The following PLN variants were observed in gnomAD, a reference collection of about 807,000 sequenced individuals.
PLN encodes the protein phospholamban.
Under a neutral mutation model 3.9 loss-of-function variants are expected in PLN, and 1 was observed. That is an observed-to-expected ratio of 0.26 (90% CI 0.09 to 1.23). The LOEUF is 1.23. Among genes scored for constraint, PLN ranks in the 50% most tolerant of loss-of-function variants. The pLI, the probability that PLN is intolerant of heterozygous loss-of-function variation, is 0.48. For missense variants in PLN, 59 were observed against 62.7 expected (o/e 0.94, Z 0.20); for synonymous variants, 21 against 20.5 (o/e 1.02, Z -0.07).
intron 1 of PLN, among the ~76,000 whole-genome samples, chr6:118,549,567 ACT>A: frequency 6.6e-6 from 1 of 151,774 alleles, no homozygotes; most frequent in Non-Finnish European, 1.5e-5. Flanking sequence ...GAACTTTGTA[ACT>A]CTGTAAGCAG....
intron 1 of PLN, among the ~76,000 whole-genome samples, chr6:118,550,913 A>G (rs1166341816): frequency 6.6e-6 from 1 of 151,880 alleles, no homozygotes; most frequent in Non-Finnish European, 1.5e-5. Context: ...AACCAGAAAT[A>G]TACGAAAATT....
chr6:118,550,258 T>A (rs572274437), intron 1 of PLN, among the ~76,000 whole-genome samples: 278 of 151,974 alleles, frequency 1.8e-3, no homozygotes, highest in Non-Finnish European at 3.1e-3. Flanking sequence ...TATAATCATA[T>A]CTTTAATTAG....
At position 118,560,687 on chromosome 6, in the gene PLN, A is replaced by T. The variant is rs987428442; in HGVS notation, c.*1607A>T. On this transcript the variant is annotated 3_prime_UTR_variant, in exon 2 of 2. Transcript: ENST00000357525. The stretch of plus-strand genomic sequence containing the variant: ...TCCACTCTACTGAGCTAAATTATAG[A>T]TCCAGCTATGCTATTTATAATTATT... The T allele has an allele frequency of 3.0e-5, 5 of 166,690 alleles. No homozygotes were observed. The highest frequency in any genetic ancestry group is 1.2e-4 in the African/African-American group (5 of 41,460). 10.3% of individuals were successfully genotyped at this position (166,690 alleles called of 1,614,324 possible).
chr6:118,549,088 A>C (rs773963779), intron 1 of PLN, among the ~76,000 whole-genome samples: 27 of 152,030 alleles, frequency 1.8e-4, no homozygotes, highest in Non-Finnish European at 3.2e-4. Context: ...AAATTTTAAA[A>C]CAATGTTCAC....
rs1220708131 is a variant in PLN at position 118,561,360 on chromosome 6, A to C, written c.*2280A>C. ...TTTGTTACAATATTTTTCTCAGTAA[A>C]CAGAAATAACTAATTTTTTTGTTCT... On this transcript the variant is annotated 3_prime_UTR_variant, in exon 2 of 2. Coordinates refer to ENST00000357525, the MANE Select transcript of PLN (RefSeq NM_002667.5). 2.6e-5 allele frequency among the ~76,000 whole-genome samples: 4 copies of C among 152,134 alleles called. No individual in the cohort carries two copies. The highest frequency in any genetic ancestry group is 5.9e-5 in the Non-Finnish European group (4 of 67,998).
chr6:118,558,511 T>C (rs1256645398), intron 1 of PLN, among the ~76,000 whole-genome samples: 1 of 151,792 alleles, frequency 6.6e-6, no homozygotes, highest in African/African-American at 2.4e-5. Flanking sequence ...TGTAGTAAAT[T>C]TGGGAGAAAA....
intron 1 of PLN, among the ~76,000 whole-genome samples, chr6:118,548,888 T>C (rs1166115619): frequency 6.6e-6 from 1 of 152,070 alleles, no homozygotes; most frequent in Non-Finnish European, 1.5e-5. Context: ...AATATTATCA[T>C]AATTTCATAC....
intron 1 of PLN, among the ~76,000 whole-genome samples, chr6:118,548,792 A>G (rs1262115211): frequency 6.6e-6 from 1 of 152,108 alleles, no homozygotes; most frequent in African/African-American, 2.4e-5. Flanking sequence ...TCTGCTGAGA[A>G]ACAGTGCAGA....
At chr6:118,557,598 A>G (rs1164791537) in intron 1 of PLN, among the ~76,000 whole-genome samples, 1 of 152,150 alleles carries the variant, frequency 6.6e-6, no homozygotes, top group African/African-American at 2.4e-5. Flanking sequence ...ACATGAGTGT[A>G]TCCTGTGATG....
chr6:118,559,935 C>A lies in PLN; in HGVS notation c.*855C>A, dbSNP rs1051172641. 3 of 166,978 alleles carry A rather than the reference C, an allele frequency of 1.8e-5. No homozygotes were observed. The highest frequency in any genetic ancestry group is 1.9e-4 in the East Asian group (1 of 5,198). 10.3% of individuals were successfully genotyped at this position (166,978 alleles called of 1,614,324 possible). A position where few individuals can be genotyped will look rare whatever the true frequency, so the allele number is the denominator to read the frequency against. On this transcript the variant is annotated 3_prime_UTR_variant, in exon 2 of 2. Coordinates refer to ENST00000357525, the MANE Select transcript of PLN (RefSeq NM_002667.5). The stretch of plus-strand genomic sequence containing the variant: ...AGTGAATTATCTGAGCTAGAGTTAC[C>A]TAGCTTACCATACTATATCTTTGGA...
Position 118,557,838 on chromosome 6 carries a change from A to C in PLN, c.-97-987A>C, listed in dbSNP as rs117871046. 1.2e-3 allele frequency among the ~76,000 whole-genome samples: 177 copies of C among 152,332 alleles called. 3 individuals are homozygous for C. The South Asian group carries it at 0.018, about 16-fold the overall frequency. ...TCCCACCGTATTTGAATTGTTTTTG[A>C]TCTGCATGGAGCTGGATGTGCTCCT... is the stretch of plus-strand genomic sequence containing the variant. On this transcript the variant is annotated intron_variant, in intron 1 of 1. Transcript: ENST00000357525.
At position 118,561,641 on chromosome 6, in the gene PLN, T is replaced by G. The variant is rs1007730486; in HGVS notation, c.*2561T>G. 1.3e-5 allele frequency among the ~76,000 whole-genome samples: 2 copies of G among 152,128 alleles called. No homozygotes were observed. Among genetic ancestry groups the G allele is most frequent in the Non-Finnish European group, 2.9e-5 (2 of 67,996 alleles). On this transcript the variant is annotated 3_prime_UTR_variant, in exon 2 of 2. Transcript: ENST00000357525. The stretch of plus-strand genomic sequence containing the variant: ...AATGCTTAATGTTGCCTTTTATATT[T>G]TAATTGGTTAAGAATATATATTTGT...
intron 1 of PLN, among the ~76,000 whole-genome samples, chr6:118,549,338 T>C (rs1323375333): frequency 1.3e-5 from 2 of 151,930 alleles, no homozygotes; most frequent in Non-Finnish European, 2.9e-5. Flanking sequence ...ATCAATTTTA[T>C]GACTTCTGTT....
intron 1 of PLN, among the ~76,000 whole-genome samples, chr6:118,550,523 A>G (rs1170461269): frequency 6.6e-6 from 1 of 151,872 alleles, no homozygotes; most frequent in Non-Finnish European, 1.5e-5. Context: ...GTGTACACAA[A>G]TATTTCATTT....
chr6:118,558,386 T>A (rs1030935828), intron 1 of PLN, among the ~76,000 whole-genome samples: 6 of 152,156 alleles, frequency 3.9e-5, no homozygotes, highest in Non-Finnish European at 5.9e-5. Flanking sequence ...TATAGGAACT[T>A]AACTCTTGTT....
Position 118,559,089 on chromosome 6 carries a change from T to G in PLN, c.*9T>G. On this transcript the variant is annotated 3_prime_UTR_variant, in exon 2 of 2. Coordinates refer to ENST00000357525, the MANE Select transcript of PLN (RefSeq NM_002667.5). ...TCGTGATGCTTCTCTGAAGTTCTGCTACAACCTCTAGATCTGCAGCTTGCC... is the reference window on the plus strand; with the variant it reads ...TCGTGATGCTTCTCTGAAGTTCTGCGACAACCTCTAGATCTGCAGCTTGCC... The G allele has an allele frequency of 6.2e-7, 1 of 1,604,494 alleles. No individual in the cohort carries two copies. Among genetic ancestry groups the G allele is most frequent in the Non-Finnish European group, 8.5e-7 (1 of 1,171,196 alleles).
At chr6:118,551,243 G>T (rs1445437264) in intron 1 of PLN, among the ~76,000 whole-genome samples, 1 of 151,694 alleles carries the variant, frequency 6.6e-6, no homozygotes. Context: ...ATGAAGCCTG[G>T]ATGTACAGCA....
chr6:118,558,660 C>CAGAGAGAG (rs369698272), intron 1 of PLN, among the ~76,000 whole-genome samples, 165 bp from the exon 2 acceptor site: 1 of 122,216 alleles, frequency 8.2e-6, no homozygotes, highest in African/African-American at 3.2e-5. Context: ...CACACACACA[C>CAGAGAGAG]AGAGAGAGAG....
chr6:118,558,867 T>C lies in PLN; in HGVS notation c.-55T>C, dbSNP rs1779060215. On this transcript the variant is annotated 5_prime_UTR_variant, in exon 2 of 2. Transcript: ENST00000357525. Reference sequence around the variant, plus strand: ...AGTTATCTCATATTTGGCTGCCAGCTTTTTATCTTTCTCTCGACCACTTAA... The same window carrying C: ...AGTTATCTCATATTTGGCTGCCAGCCTTTTATCTTTCTCTCGACCACTTAA... The C allele has an allele frequency of 1.2e-5, 17 of 1,438,858 alleles. No homozygotes were observed. Among genetic ancestry groups the C allele is most frequent in the Non-Finnish European group, 1.7e-5 (17 of 1,021,408 alleles). 89.1% of individuals were successfully genotyped at this position (1,438,858 alleles called of 1,614,324 possible).
Sources: gnomAD v4.1 joint callset for allele counts (sites outside exome capture counted in the v4.1 genomes callset) on GRCh38, gnomAD v4.1.1 for gene constraint, MANE v1.5 for transcripts, NCBI Gene and HGNC (gene_info 2026-07-23, HGNC 2026-07-21) for gene names.